The following TMEM45A variants were observed in gnomAD, a reference collection of about 807,000 sequenced individuals.
TMEM45A encodes DNA polymerase-transactivated protein 4.
TMEM45A carries 25 observed loss-of-function variants against 32.0 expected under a neutral mutation model. The observed-to-expected ratio is 0.78, with a 90% confidence interval of 0.57 to 1.09. The LOEUF (loss-of-function observed/expected upper bound fraction) is 1.09. TMEM45A is among the 50% of genes least tolerant of loss of function. The probability of loss-of-function intolerance (pLI) is 0.00; values close to 1 mark genes in which losing one functional copy is unlikely to be tolerated. For missense variants in TMEM45A, 302 were observed against 325.0 expected, an observed-to-expected ratio of 0.93 and a Z score of 0.54; for synonymous variants, 122 against 114.8, an observed-to-expected ratio of 1.06 and a Z score of -0.40.
intron 1 of TMEM45A, among the ~76,000 whole-genome samples, chr3:100,513,830 T>C (rs987372402): frequency 6.6e-6 from 1 of 152,022 alleles, no homozygotes; most frequent in Non-Finnish European, 1.5e-5. Flanking sequence ...TATACACCAA[T>C]AACAGACAAA....
chr3:100,535,866 A>G (rs888856037), intron 1 of TMEM45A, among the ~76,000 whole-genome samples: 3 of 152,286 alleles, frequency 2.0e-5, no homozygotes, highest in East Asian at 1.9e-4. Flanking sequence ...AAAAGTGAAC[A>G]TGATCTTGGT....
In TMEM45A at chr3:100,555,383, G is replaced by C. The variant is rs1407011212; in HGVS notation, c.172G>C (p.Val58Leu). The change falls in exon 2 of 6, where the codon GTT (valine) becomes CTT (leucine). Residue 58 changes from valine (V) to leucine (L), a missense_variant. Transcript: ENST00000323523. ...GGAAATTTTGGAGGGAATTACAATA[G>C]TTGGCATGGCTTTAACTGGTGAGTG... ...RLEILEGITI[V>L]GMALTGMAGE... 1.2e-6 allele frequency: 2 copies of C among 1,613,732 alleles called. No individual in the cohort carries two copies. Among genetic ancestry groups the C allele is most frequent in the South Asian group, 2.2e-5 (2 of 91,016 alleles).
intron 5 of TMEM45A, among the ~76,000 whole-genome samples, chr3:100,576,452 G>GT (rs1217832720): frequency 2.6e-5 from 4 of 151,202 alleles, no homozygotes; most frequent in Non-Finnish European, 5.9e-5. Flanking sequence ...GCAAAACTCC[G>GT]TTTAAAAAAA....
intron 1 of TMEM45A, among the ~76,000 whole-genome samples, chr3:100,516,364 G>T (rs1708261671): frequency 6.6e-6 from 1 of 152,220 alleles, no homozygotes; most frequent in Non-Finnish European, 1.5e-5. Context: ...ATGTTTTGTG[G>T]TGGTAATGAG....
chr3:100,559,226 A>T (rs1320503560), intron 4 of TMEM45A, among the ~76,000 whole-genome samples: 1 of 152,234 alleles, frequency 6.6e-6, no homozygotes, highest in Admixed American at 6.5e-5. Flanking sequence ...GAGACTGATG[A>T]ATCATAATCC....
chr3:100,550,215 AAAT>A (rs144440177), intron 1 of TMEM45A, among the ~76,000 whole-genome samples: 59,260 of 147,832 alleles, frequency 0.4, 11,906 homozygotes, highest in Middle Eastern at 0.46. Flanking sequence ...AAAGAAAAAA[AAAT>A]AAATCCTTAA....
intron 1 of TMEM45A, among the ~76,000 whole-genome samples, chr3:100,518,545 A>T (rs74551788): frequency 0.017 from 2,661 of 152,308 alleles, 36 homozygotes; most frequent in Non-Finnish European, 0.03. Flanking sequence ...AAGACAATAC[A>T]TCTTCTTATT....
At chr3:100,521,969 C>T (rs954807429) in intron 1 of TMEM45A, among the ~76,000 whole-genome samples, 2 of 152,230 alleles carry the variant, frequency 1.3e-5, no homozygotes, top group Admixed American at 6.5e-5. Context: ...GCTTTCCTAA[C>T]ATCCCAAGTC....
intron 1 of TMEM45A, chr3:100,519,386 C>A: frequency 2.0e-6 from 1 of 502,164 alleles, no homozygotes; most frequent in African/African-American, 3.1e-5. Flanking sequence ...TGTGTGTGTG[C>A]ATGTGTGTGT....
intron 4 of TMEM45A, among the ~76,000 whole-genome samples, chr3:100,566,376 A>G (rs1427388082): frequency 6.6e-6 from 1 of 152,172 alleles, no homozygotes; most frequent in African/African-American, 2.4e-5. Flanking sequence ...CCAATAAAAA[A>G]TTAGATAGAT....
Position 100,556,807 on chromosome 3 carries a change from T to C in TMEM45A, c.238T>C (p.Tyr80His), listed in dbSNP as rs145089882. The C allele has an allele frequency of 6.2e-6, 10 of 1,613,972 alleles. No homozygotes were observed. In the African/African-American group the frequency reaches 1.3e-4, roughly 22 times the overall value. ...FIPGGPHLML[Y>H]DYKQGHWNQL... ...TCCTGGAGGGCCCCATCTGATGTTA[T>C]ATGACTATAAACAAGGTCACTGGAA... Residue 80 changes from tyrosine to histidine, a missense_variant, in exon 3 of 6, where the codon TAT (tyrosine) becomes CAT (histidine). Physicochemically the swap from Tyr to His is moderately conservative, Grantham distance 83 (BLOSUM62 2). Coordinates refer to ENST00000323523, the MANE Select transcript of TMEM45A (RefSeq NM_018004.3).
intron 4 of TMEM45A, among the ~76,000 whole-genome samples, chr3:100,559,304 T>C (rs992594353): frequency 1.3e-5 from 2 of 152,210 alleles, no homozygotes; most frequent in Non-Finnish European, 2.9e-5. Flanking sequence ...CAGGGAAGAC[T>C]TCTTAGAAGA....
chr3:100,513,221 C>T (rs1478673952), intron 1 of TMEM45A, among the ~76,000 whole-genome samples: 1 of 151,568 alleles, frequency 6.6e-6, no homozygotes, highest in Non-Finnish European at 1.5e-5. Context: ...ATGCAAAAAT[C>T]CTCAATAAAA....
chr3:100,517,005 G>C (rs1708272710), intron 1 of TMEM45A, among the ~76,000 whole-genome samples: 1 of 152,150 alleles, frequency 6.6e-6, no homozygotes, highest in African/African-American at 2.4e-5. Context: ...AACAGCATCT[G>C]CTCTCACATT....
chr3:100,531,723 A>G (rs745780918), intron 1 of TMEM45A, among the ~76,000 whole-genome samples: 1 of 152,228 alleles, frequency 6.6e-6, no homozygotes, highest in Non-Finnish European at 1.5e-5. Context: ...AATTGAATAG[A>G]GATTTATGCC....
rs1490723197 is a variant in TMEM45A, at chr3:100,513,923, T to C, written c.-4+20995T>C. Among the ~76,000 whole-genome samples the C allele has an allele frequency of 9.3e-4, 141 of 152,016 alleles. 2 individuals carry two copies. The East Asian group carries it at 0.018, about 19-fold the overall frequency. On this transcript the variant is annotated intron_variant, in intron 1 of 5. Coordinates refer to ENST00000323523, the MANE Select transcript of TMEM45A (RefSeq NM_018004.3). ...ACCTAGGAATCCAACTTACAAGGGATGTGAAGGACCTCTTCAAGGAGAACT... is the reference window on the plus strand; with the variant it reads ...ACCTAGGAATCCAACTTACAAGGGACGTGAAGGACCTCTTCAAGGAGAACT...
chr3:100,563,903 C>T lies in TMEM45A; in HGVS notation c.589-4919C>T, dbSNP rs549884084. Among the ~76,000 whole-genome samples the T allele has an allele frequency of 1.6e-4, 25 of 152,326 alleles. No individual in the cohort carries two copies. In the South Asian group the frequency reaches 5.2e-3, roughly 32 times the overall value. ...ACCTGCAGTTTCTGAGTATTGTGAG[C>T]TCATACCTCTAACTTAATGACTGAT... is the stretch of plus-strand genomic sequence containing the variant. On this transcript the variant is annotated intron_variant, in intron 4 of 5. Transcript: ENST00000323523.
chr3:100,519,370 TGTG>T, intron 1 of TMEM45A: 1 of 383,266 alleles, frequency 2.6e-6, no homozygotes, highest in East Asian at 4.4e-5. Flanking sequence ...GCATACAGGT[TGTG>T]TGTGTGTGTG....
At chr3:100,566,263 A>T (rs564345498) in intron 4 of TMEM45A, among the ~76,000 whole-genome samples, 1 of 152,194 alleles carries the variant, frequency 6.6e-6, no homozygotes, top group Admixed American at 6.5e-5. Flanking sequence ...ACCTATTTTT[A>T]GTTCTTTTGG....
Sources: gnomAD v4.1 joint callset for allele counts (sites outside exome capture counted in the v4.1 genomes callset) on GRCh38, gnomAD v4.1.1 for gene constraint, MANE v1.5 for transcripts, NCBI Gene and HGNC (gene_info 2026-07-23, HGNC 2026-07-21) for gene names.